The following PTPRD variants were observed in gnomAD, a reference collection of about 807,000 sequenced individuals.
PTPRD encodes protein tyrosine phosphatase receptor type D, also known as receptor-type tyrosine-protein phosphatase delta.
Under a neutral mutation model 214.5 loss-of-function variants are expected in PTPRD, and 34 were observed. That is an observed-to-expected ratio of 0.16 (90% CI 0.12 to 0.21). The LOEUF (loss-of-function observed/expected upper bound fraction) is 0.21, where lower values mean the gene tolerates loss of function less well. Ranked by LOEUF, PTPRD falls within the 10% of genes least tolerant of loss-of-function variation. The pLI is 1.00. For missense variants in PTPRD, 2,545 were observed against 2,398.7 expected, an observed-to-expected ratio of 1.06 and a Z score of -1.27; for synonymous variants, 1,128 against 845.7, an observed-to-expected ratio of 1.33 and a Z score of -5.79.
intron 3 of PTPRD, among the ~76,000 whole-genome samples, chr9:10,303,119 G>C (rs369532010): frequency 6.6e-6 from 1 of 152,098 alleles, no homozygotes; most frequent in Non-Finnish European, 1.5e-5. Flanking sequence ...ACTCAAAACT[G>C]CACAACTACA....
At chr9:9,259,586 A>G (rs956648547) in intron 9 of PTPRD, among the ~76,000 whole-genome samples, 1 of 151,948 alleles carries the variant, frequency 6.6e-6, no homozygotes, top group African/African-American at 2.4e-5. Flanking sequence ...TCTGATTTGA[A>G]GTATGTCATT....
intron 4 of PTPRD, among the ~76,000 whole-genome samples, chr9:9,989,850 C>G (rs2095852567): frequency 6.6e-6 from 1 of 152,156 alleles, no homozygotes; most frequent in East Asian, 1.9e-4. Flanking sequence ...GTTGCTTGCC[C>G]CAGCTCCTGC....
At chr9:10,503,880 G>A (rs567172678) in intron 2 of PTPRD, among the ~76,000 whole-genome samples, 53 of 151,888 alleles carry the variant, frequency 3.5e-4, no homozygotes, top group Admixed American at 1.3e-3. Flanking sequence ...ACTTTGGGAG[G>A]CCGAGGTGGG....
intron 2 of PTPRD, among the ~76,000 whole-genome samples, chr9:10,485,271 TGGTATGATTTAAAGTCA>T (rs1163564076): frequency 6.6e-6 from 1 of 152,056 alleles, no homozygotes; most frequent in African/African-American, 2.4e-5. Flanking sequence ...TATAGCCCTG[TGGTATGATTTAAAGTCA>T]GGTATGTGAT....
At chr9:9,908,094 T>C (rs7037614) in intron 5 of PTPRD, among the ~76,000 whole-genome samples, 144,321 of 151,540 alleles carry the variant, frequency 0.95, 68,850 homozygotes, top group East Asian at 1. Flanking sequence ...AAAAAAATCT[T>C]AGAATAGAAA....
At chr9:10,418,353 C>G (rs1429902588) in intron 2 of PTPRD, among the ~76,000 whole-genome samples, 1 of 151,070 alleles carries the variant, frequency 6.6e-6, no homozygotes, top group Non-Finnish European at 1.5e-5. Context: ...TCCCTTTGCC[C>G]TTGGTTAATT....
intron 10 of PTPRD, among the ~76,000 whole-genome samples, chr9:9,065,753 T>C (rs1016300523): frequency 2.0e-5 from 3 of 152,122 alleles, no homozygotes; most frequent in African/African-American, 7.2e-5. Flanking sequence ...TTCCTTGAAA[T>C]GATACATTAA....
intron 5 of PTPRD, among the ~76,000 whole-genome samples, chr9:9,853,134 T>C (rs550569234): frequency 3.3e-5 from 5 of 152,198 alleles, no homozygotes; most frequent in African/African-American, 7.2e-5. Flanking sequence ...GCAGAAGGAG[T>C]GCTAAATATT....
chr9:9,431,584 A>G (rs201427159), intron 8 of PTPRD, among the ~76,000 whole-genome samples: 8 of 152,102 alleles, frequency 5.3e-5, no homozygotes, highest in Non-Finnish European at 1.2e-4. Context: ...AAATCATGCT[A>G]CTATAAAGAC....
intron 4 of PTPRD, among the ~76,000 whole-genome samples, chr9:10,029,724 C>T (rs1233935617): frequency 1.3e-5 from 2 of 152,182 alleles, no homozygotes; most frequent in African/African-American, 4.8e-5. Context: ...AGGAACTTGC[C>T]TTGTCTCAGA....
intron 2 of PTPRD, among the ~76,000 whole-genome samples, chr9:10,384,207 T>C (rs2097871603): frequency 6.6e-6 from 1 of 151,770 alleles, no homozygotes; most frequent in South Asian, 2.1e-4. Context: ...AAAGGATAAA[T>C]GCTTGAAGGA....
chr9:9,365,157 T>C (rs1454611086), intron 9 of PTPRD, among the ~76,000 whole-genome samples: 3 of 151,426 alleles, frequency 2.0e-5, no homozygotes, highest in Admixed American at 1.3e-4. Flanking sequence ...AGAGGACAAA[T>C]ACAAAATATT....
At chr9:10,286,343 G>A (rs2095352620) in intron 3 of PTPRD, among the ~76,000 whole-genome samples, 1 of 152,198 alleles carries the variant, frequency 6.6e-6, no homozygotes, top group Admixed American at 6.5e-5. Context: ...TCAGGAAGTT[G>A]AGGCAGGAGG....
At chr9:10,187,241 G>C (rs2099338789) in intron 3 of PTPRD, among the ~76,000 whole-genome samples, 1 of 152,006 alleles carries the variant, frequency 6.6e-6, no homozygotes, top group Non-Finnish European at 1.5e-5. Flanking sequence ...GTGTGAAATA[G>C]GATGAATAGA....
intron 6 of PTPRD, among the ~76,000 whole-genome samples, chr9:9,759,487 G>T (rs1311189152): frequency 2.0e-5 from 3 of 150,278 alleles, no homozygotes; most frequent in African/African-American, 7.3e-5. Flanking sequence ...TAAATTTTGA[G>T]TATAAACTCA....
chr9:9,685,167 G>T (rs1478045680), intron 7 of PTPRD, among the ~76,000 whole-genome samples: 6 of 151,210 alleles, frequency 4.0e-5, no homozygotes, highest in African/African-American at 1.5e-4. Context: ...CTTCAACTTA[G>T]AAGATAAAAT....
At chr9:9,703,972 T>A (rs920022851) in intron 7 of PTPRD, among the ~76,000 whole-genome samples, 1 of 152,122 alleles carries the variant, frequency 6.6e-6, no homozygotes, top group Non-Finnish European at 1.5e-5. Context: ...GCAGCCCTGA[T>A]CTCCCAGGCT....
intron 10 of PTPRD, among the ~76,000 whole-genome samples, chr9:9,033,747 G>T (rs2099613107): frequency 6.6e-6 from 1 of 151,848 alleles, no homozygotes; most frequent in Non-Finnish European, 1.5e-5. Context: ...TACTTGCCCA[G>T]GTGGTCTCAT....
intron 3 of PTPRD, among the ~76,000 whole-genome samples, chr9:10,308,020 C>T (rs926390332): frequency 6.6e-6 from 1 of 151,842 alleles, no homozygotes; most frequent in African/African-American, 2.4e-5. Flanking sequence ...CAGGTTGTCT[C>T]TTCACTTTCT....
Sources: allele counts gnomAD v4.1 joint callset (sites outside exome capture counted in the v4.1 genomes callset), GRCh38; gene constraint gnomAD v4.1.1; transcripts MANE v1.5; gene names NCBI Gene and HGNC (gene_info 2026-07-23, HGNC 2026-07-21).